Variants in AUTS2 observed in about 807,000 individuals in gnomAD.
AUTS2 encodes the protein autism susceptibility gene 2 protein.
A neutral mutation model predicts 112.4 loss-of-function variants in AUTS2; 17 were observed. The ratio of observed to expected loss-of-function variants is 0.15; its 90% confidence interval spans 0.10 to 0.23. AUTS2 has a LOEUF of 0.23. Ranked by LOEUF, AUTS2 falls within the 10% of genes least tolerant of loss-of-function variation. The pLI is 1.00. For missense variants in AUTS2, 1,510 were observed against 1,701.6 expected (o/e 0.89, Z 1.98); for synonymous variants, 751 against 702.7 (o/e 1.07, Z -1.09).
intron 5 of AUTS2, among the ~76,000 whole-genome samples, chr7:70,620,689 G>T (rs1325341098): frequency 6.6e-6 from 1 of 152,066 alleles, no homozygotes; most frequent in African/African-American, 2.4e-5. Flanking sequence ...TTAGGCCCGA[G>T]GCAGAACTTC....
At chr7:70,522,535 T>A (rs879366646) in intron 5 of AUTS2, among the ~76,000 whole-genome samples, 18 of 152,230 alleles carry the variant, frequency 1.2e-4, no homozygotes, top group Admixed American at 9.2e-4. Context: ...AGCTTCCACT[T>A]ACAAGGGAAA....
chr7:70,125,999 C>G (rs1252856161), intron 3 of AUTS2, among the ~76,000 whole-genome samples: 1 of 152,210 alleles, frequency 6.6e-6, no homozygotes, highest in Non-Finnish European at 1.5e-5. Flanking sequence ...GACTTACTCT[C>G]AAGTGAGGCT....
chr7:69,812,613 C>T (rs1478314939), intron 1 of AUTS2, among the ~76,000 whole-genome samples: 2 of 152,174 alleles, frequency 1.3e-5, no homozygotes, highest in Non-Finnish European at 2.9e-5. Context: ...CGTCCGTTGC[C>T]ATGGGCTACA....
chr7:70,334,291 A>G (rs1790891428), intron 4 of AUTS2, among the ~76,000 whole-genome samples: 2 of 152,330 alleles, frequency 1.3e-5, no homozygotes, highest in African/African-American at 2.4e-5. Flanking sequence ...GAGTATTTCC[A>G]GCATGAATGG....
intron 4 of AUTS2, among the ~76,000 whole-genome samples, chr7:70,301,577 T>C (rs920150605): frequency 2.6e-5 from 4 of 152,190 alleles, no homozygotes; most frequent in African/African-American, 9.6e-5. Context: ...TTTTGTGGTG[T>C]TCTTTCCAGT....
chr7:70,309,944 A>G (rs964630294), intron 4 of AUTS2, among the ~76,000 whole-genome samples: 3 of 152,180 alleles, frequency 2.0e-5, no homozygotes, highest in Non-Finnish European at 2.9e-5. Flanking sequence ...TCAAGTTCAC[A>G]TATTTTTATT....
intron 6 of AUTS2, among the ~76,000 whole-genome samples, chr7:70,715,716 G>A (rs768222127): frequency 5.1e-4 from 77 of 152,106 alleles, no homozygotes; most frequent in Middle Eastern, 3.4e-3. Flanking sequence ...ATTTTTAGTA[G>A]AGATGAGGTT....
chr7:70,396,579 G>A (rs1562933881), intron 4 of AUTS2, among the ~76,000 whole-genome samples: 1 of 152,068 alleles, frequency 6.6e-6, no homozygotes, highest in Non-Finnish European at 1.5e-5. Flanking sequence ...GTTTTGCCAT[G>A]TTGGCCAGGC....
intron 5 of AUTS2, among the ~76,000 whole-genome samples, chr7:70,666,972 T>TAAA (rs5884791): frequency 2.2e-5 from 3 of 135,662 alleles, no homozygotes; most frequent in Non-Finnish European, 1.6e-5. Flanking sequence ...GCCGTCTTCT[T>TAAA]AAAAAAAAAA....
chr7:69,603,849 C>T (rs939235520), intron 1 of AUTS2, among the ~76,000 whole-genome samples: 4 of 152,202 alleles, frequency 2.6e-5, no homozygotes, highest in African/African-American at 9.6e-5. Context: ...CTACTACCAT[C>T]AGTGTGTCCT....
In AUTS2 at chr7:70,003,721, T is replaced by A. The variant is rs1799364632; in HGVS notation, c.522+104223T>A. On this transcript the variant is annotated intron_variant, in intron 2 of 18. Transcript: ENST00000342771. ...ATATAATATATATGAATGTGTTATA[T>A]ATGAATATATATAATATATATGAAT... 2.4e-5 allele frequency among the ~76,000 whole-genome samples: 3 copies of A among 125,390 alleles called. No homozygotes were observed. In the South Asian group the frequency reaches 7.3e-4, roughly 30 times the overall value. 82.3% of individuals were successfully genotyped at this position (125,390 alleles called of 152,430 possible). A position where few individuals can be genotyped will look rare whatever the true frequency, so the allele number is the denominator to read the frequency against.
At position 70,299,279 on chromosome 7, in the gene AUTS2, A is replaced by G. The variant is rs77525622; in HGVS notation, c.661-136473A>G. Among the ~76,000 whole-genome samples, 335 of 152,270 alleles carry G rather than the reference A, an allele frequency of 2.2e-3. 3 individuals carry two copies. Among genetic ancestry groups the G allele is most frequent in the African/African-American group, 7.7e-3 (321 of 41,554 alleles). Reference sequence around the variant, plus strand: ...GGACATTTAGGTCATCTTACCTACAATCTCTTCCTTGTGCCTCAAGGCAAA... The same window carrying G: ...GGACATTTAGGTCATCTTACCTACAGTCTCTTCCTTGTGCCTCAAGGCAAA... On this transcript the variant is annotated intron_variant, in intron 4 of 18. Transcript: ENST00000342771.
chr7:69,669,637 A>G (rs765528496), intron 1 of AUTS2, among the ~76,000 whole-genome samples: 1 of 152,196 alleles, frequency 6.6e-6, no homozygotes, highest in African/African-American at 2.4e-5. Context: ...TAGATATTTC[A>G]TAAAAGGTAC....
At chr7:70,140,899 GTATGAC>G (rs1806827317) in intron 4 of AUTS2, among the ~76,000 whole-genome samples, 1 of 152,168 alleles carries the variant, frequency 6.6e-6, no homozygotes, top group Non-Finnish European at 1.5e-5. Flanking sequence ...TAACTCACAA[GTATGAC>G]TTAAATATCT....
At chr7:70,435,725 C>A (rs1269537960) in intron 4 of AUTS2, 27 bp from the exon 5 acceptor site, 1 of 1,613,664 alleles carries the variant, frequency 6.2e-7, no homozygotes, top group Non-Finnish European at 8.5e-7. Flanking sequence ...CTTGCACTAA[C>A]CCTTATTCTC....
chr7:70,178,137 C>T (rs1381541120), intron 4 of AUTS2, among the ~76,000 whole-genome samples: 1 of 151,766 alleles, frequency 6.6e-6, no homozygotes, highest in Non-Finnish European at 1.5e-5. Context: ...TTTTATTTGT[C>T]ATTCCTGGAA....
chr7:69,741,829 G>A (rs542495919), intron 1 of AUTS2, among the ~76,000 whole-genome samples: 98 of 151,282 alleles, frequency 6.5e-4, no homozygotes, highest in African/African-American at 2.4e-3. Flanking sequence ...TTTGAGACAG[G>A]GCCTCCCTCT....
intron 1 of AUTS2, among the ~76,000 whole-genome samples, chr7:69,791,238 C>A (rs938254665): frequency 6.6e-6 from 1 of 152,144 alleles, no homozygotes; most frequent in Non-Finnish European, 1.5e-5. Context: ...AGCAAGATGC[C>A]TTTGTGCAGT....
At position 70,152,149 on chromosome 7, in the gene AUTS2, A is replaced by G. The variant is rs181211415; in HGVS notation, c.660+17578A>G. ...ACTAGCCAAAATGAAACATGAAAAGATTAGAGAATTTGCAGATTGAACAGA... is the reference window on the plus strand; with the variant it reads ...ACTAGCCAAAATGAAACATGAAAAGGTTAGAGAATTTGCAGATTGAACAGA... On this transcript the variant is annotated intron_variant, in intron 4 of 18. Coordinates refer to ENST00000342771, the MANE Select transcript of AUTS2 (RefSeq NM_015570.4). Among the ~76,000 whole-genome samples, 46 of 152,314 alleles carry G rather than the reference A, an allele frequency of 3.0e-4. 2 individuals carry two copies. The East Asian group carries it at 6.7e-3, about 22-fold the overall frequency.
Sources: allele counts gnomAD v4.1 joint callset (sites outside exome capture counted in the v4.1 genomes callset), GRCh38; gene constraint gnomAD v4.1.1; transcripts MANE v1.5; gene names NCBI Gene and HGNC (gene_info 2026-07-23, HGNC 2026-07-21).